The following PIEZO2 variants were observed in gnomAD, a reference collection of about 807,000 sequenced individuals.
The protein encoded by PIEZO2 is piezo-type mechanosensitive ion channel component 2.
Under a neutral mutation model 337.3 loss-of-function variants are expected in PIEZO2, and 172 were observed. The ratio of observed to expected loss-of-function variants is 0.51; its 90% confidence interval spans 0.45 to 0.58. The LOEUF (loss-of-function observed/expected upper bound fraction) is 0.58, where lower values mean the gene tolerates loss of function less well. Among genes scored for constraint, PIEZO2 ranks in the 20% least tolerant of loss-of-function variants. The pLI is 0.00. For synonymous variants in PIEZO2, 1,251 were observed against 1,228.5 expected, an observed-to-expected ratio of 1.02 and a Z score of -0.38; for missense variants, 3,028 against 3,391.3, an observed-to-expected ratio of 0.89 and a Z score of 2.66.
chr18:10,848,163 G>T (rs762505081), intron 7 of PIEZO2, among the ~76,000 whole-genome samples: 2 of 152,164 alleles, frequency 1.3e-5, no homozygotes, highest in Non-Finnish European at 2.9e-5. Flanking sequence ...GCAAGACCGC[G>T]GCAGACCTAA....
At chr18:10,743,086 G>C (rs1028438892) in intron 31 of PIEZO2, among the ~76,000 whole-genome samples, 2 of 152,054 alleles carry the variant, frequency 1.3e-5, no homozygotes, top group African/African-American at 4.8e-5. Flanking sequence ...CTAAACATGA[G>C]TCCAAATTTG....
At chr18:10,977,779 T>C (rs1347383755) in intron 3 of PIEZO2, among the ~76,000 whole-genome samples, 1 of 152,164 alleles carries the variant, frequency 6.6e-6, no homozygotes, top group Non-Finnish European at 1.5e-5. Flanking sequence ...CATTGACAAA[T>C]CTTGAAAACT....
intron 30 of PIEZO2, among the ~76,000 whole-genome samples, chr18:10,744,716 C>T (rs1452842027): frequency 6.6e-6 from 1 of 152,216 alleles, no homozygotes; most frequent in South Asian, 2.1e-4. Flanking sequence ...GACATCTAGT[C>T]TCTTGTCCCT....
rs1230019691 is a variant in PIEZO2, at chr18:11,061,025, G to A, written c.160+5102C>T. ...GTCCTCAATAAAATACTAGCAAACCGAATCCAGCAGCACATAAAAAGCTTA... is the reference window on the plus strand; with the variant it reads ...GTCCTCAATAAAATACTAGCAAACCAAATCCAGCAGCACATAAAAAGCTTA... On this transcript the variant is annotated intron_variant, in intron 2 of 55. Coordinates refer to ENST00000674853, the MANE Select transcript of PIEZO2 (RefSeq NM_001378183.1). 6.6e-5 allele frequency among the ~76,000 whole-genome samples: 10 copies of A among 152,102 alleles called. No homozygotes were observed. In the East Asian group the frequency reaches 1.2e-3, roughly 18 times the overall value.
intron 49 of PIEZO2, among the ~76,000 whole-genome samples, chr18:10,687,181 A>T (rs1216342876): frequency 1.3e-5 from 2 of 152,072 alleles, no homozygotes; most frequent in Non-Finnish European, 2.9e-5. Context: ...GGTTTGTTAC[A>T]TAGTTAAAAG....
At chr18:10,808,992 T>A (rs2040089225) in intron 7 of PIEZO2, among the ~76,000 whole-genome samples, 1 of 152,238 alleles carries the variant, frequency 6.6e-6, no homozygotes, top group Admixed American at 6.5e-5. Context: ...TAATTGTAAT[T>A]TTCTGTAGCT....
Position 10,741,093 on chromosome 18 carries a change from T to C in PIEZO2, c.4646A>G (p.Asp1549Gly). Reference sequence around the variant, plus strand: ...TTTTTTGCCCTTGGCTTTCTGTTTGTCTGCTTCTCCTAAAATAAAATACGT... The same window carrying C: ...TTTTTTGCCCTTGGCTTTCTGTTTGCCTGCTTCTCCTAAAATAAAATACGT... ...LSEEDDEREA[D>G]KQKAKGKKKQ... Residue 1549 changes from aspartate to glycine, a missense_variant, in exon 33 of 56, where the codon GAC (aspartate) becomes GGC (glycine). Physicochemically the swap from Asp to Gly is moderately conservative, Grantham distance 94. Around this residue, in one of 5 missense-constraint regions of PIEZO2, gnomAD observed 1,925 missense variants for 2,051.9 expected, o/e 0.94. Coordinates refer to ENST00000674853, the MANE Select transcript of PIEZO2 (RefSeq NM_001378183.1). The C allele has an allele frequency of 6.5e-7, 1 of 1,536,024 alleles. No individual in the cohort carries two copies. Among genetic ancestry groups the C allele is most frequent in the Non-Finnish European group, 8.7e-7 (1 of 1,146,452 alleles).
intron 20 of PIEZO2, among the ~76,000 whole-genome samples, 169 bp from the exon 21 acceptor site, chr18:10,770,477 T>C (rs1347966976): frequency 6.6e-6 from 1 of 152,222 alleles, no homozygotes; most frequent in Non-Finnish European, 1.5e-5. Flanking sequence ...TCCCAAGTCA[T>C]GATGACACAG....
At chr18:10,793,293 A>G (rs2039472512) in intron 13 of PIEZO2, among the ~76,000 whole-genome samples, 2 of 152,090 alleles carry the variant, frequency 1.3e-5, no homozygotes, top group Admixed American at 6.6e-5. Context: ...ATGTTATTGT[A>G]ATAGAAATGT....
chr18:11,064,156 C>T (rs2038069878), intron 2 of PIEZO2, among the ~76,000 whole-genome samples: 1 of 152,134 alleles, frequency 6.6e-6, no homozygotes, highest in African/African-American at 2.4e-5. Context: ...ACACAAGATG[C>T]CTCAAAACAC....
At chr18:11,014,642 G>A (rs1031870030) in intron 2 of PIEZO2, among the ~76,000 whole-genome samples, 5 of 142,528 alleles carry the variant, frequency 3.5e-5, no homozygotes, top group East Asian at 2.3e-4. Context: ...GGGTGGGACA[G>A]CGATCCATGA....
At chr18:11,093,526 C>T (rs1201136592) in intron 1 of PIEZO2, among the ~76,000 whole-genome samples, 1 of 148,996 alleles carries the variant, frequency 6.7e-6, no homozygotes, top group Non-Finnish European at 1.5e-5. Context: ...CAAATTTTGA[C>T]GTGTCGAAAG....
chr18:10,877,312 T>C lies in PIEZO2; in HGVS notation c.330-5897A>G, dbSNP rs1197165531. Among the ~76,000 whole-genome samples, 1 of 152,214 alleles carries C rather than the reference T, an allele frequency of 6.6e-6. No individual in the cohort carries two copies. The highest frequency in any genetic ancestry group is 1.5e-5 in the Non-Finnish European group (1 of 68,040). On this transcript the variant is annotated intron_variant, in intron 4 of 55. Coordinates refer to ENST00000674853, the MANE Select transcript of PIEZO2 (RefSeq NM_001378183.1). The surrounding 1 kb of genome is among the most constrained non-coding windows in gnomAD (Gnocchi z 5.3). The stretch of plus-strand genomic sequence containing the variant: ...ACACCATTTCCCAAAAGCTGTTTCA[T>C]GAACACTAGCTCTTTAGAATGAAAT...
At chr18:11,123,635 C>T (rs993452211) in intron 1 of PIEZO2, among the ~76,000 whole-genome samples, 3 of 152,032 alleles carry the variant, frequency 2.0e-5, no homozygotes, top group Non-Finnish European at 4.4e-5. Context: ...GATGAAACCC[C>T]ATCTCTACTA....
At chr18:10,938,880 A>T (rs890784467) in intron 3 of PIEZO2, among the ~76,000 whole-genome samples, 3 of 152,006 alleles carry the variant, frequency 2.0e-5, no homozygotes, top group Non-Finnish European at 4.4e-5. Context: ...AGTTCAGGAG[A>T]TCGAGACCAT....
At chr18:10,935,224 C>T (rs2032322252) in intron 3 of PIEZO2, among the ~76,000 whole-genome samples, 1 of 152,160 alleles carries the variant, frequency 6.6e-6, no homozygotes, top group South Asian at 2.1e-4. Context: ...GGGAGACCTG[C>T]AGAAAATGTT....
At chr18:10,842,115 T>C (rs1364398206) in intron 7 of PIEZO2, among the ~76,000 whole-genome samples, 2 of 150,938 alleles carry the variant, frequency 1.3e-5, no homozygotes, top group East Asian at 2.0e-4. Context: ...CACCATTACA[T>C]TCCAGCCTGG....
intron 1 of PIEZO2, among the ~76,000 whole-genome samples, chr18:11,072,208 C>T (rs1310182106): frequency 1.3e-5 from 2 of 152,124 alleles, no homozygotes; most frequent in East Asian, 3.8e-4. Context: ...ATACCCATTA[C>T]TGTATCTGCT....
In PIEZO2 at chr18:10,691,385, T is replaced by C; in HGVS notation, c.7191-2A>G. The C allele has an allele frequency of 6.2e-7, 1 of 1,612,118 alleles. No homozygotes were observed. Among genetic ancestry groups the C allele is most frequent in the South Asian group, 1.1e-5 (1 of 90,508 alleles). ...GCAACCAGGTTCTGGCTGAATTTCC[T>C]AAAATGTAAAAGTACAGAAAGTGAA... On this transcript the variant is annotated splice_acceptor_variant, in intron 47 of 55. Transcript: ENST00000674853. LOFTEE classifies it high-confidence loss of function.
Sources: gnomAD v4.1 joint callset for allele counts (sites outside exome capture counted in the v4.1 genomes callset) on GRCh38, gnomAD v4.1.1 for gene constraint, gnomAD v4.1.1 regional missense constraint, Gnocchi (gnomAD v3.1) non-coding constraint, MANE v1.5 for transcripts, NCBI Gene and HGNC (gene_info 2026-07-23, HGNC 2026-07-21) for gene names.